Variants in UGT1A1 observed in about 807,000 individuals in gnomAD.
UGT1A1 encodes UDP glucuronosyltransferase family 1 member A1, also known as UDP-glucuronosyltransferase 1A1.
A neutral mutation model predicts 40.6 loss-of-function variants in UGT1A1; 33 were observed. The ratio of observed to expected loss-of-function variants is 0.81; its 90% CI spans 0.62 to 1.09. UGT1A1 has a LOEUF of 1.09. Among genes scored for constraint, UGT1A1 ranks in the 50% least tolerant of loss-of-function variants. UGT1A1 has a pLI of 0.00. For missense variants in UGT1A1, 694 were observed against 671.2 expected, an observed-to-expected ratio of 1.03 and a Z score of -0.38; for synonymous variants, 249 against 265.0, an observed-to-expected ratio of 0.94 and a Z score of 0.59.
In UGT1A1 at chr2:233,772,637, A is replaced by G; in HGVS notation, c.*78A>G. ...AACTTGAAAACAGAATCAGTGTTAA[A>G]TTCATTTTATTCTTATTAAGGAAAT... On this transcript the variant is annotated 3_prime_UTR_variant, in exon 5 of 5. Transcript: ENST00000305208. The G allele has an allele frequency of 1.5e-5, 23 of 1,552,946 alleles. No individual in the cohort carries two copies. Among genetic ancestry groups the G allele is most frequent in the Non-Finnish European group, 2.0e-5 (23 of 1,148,470 alleles).
chr2:233,767,172 A>G lies in UGT1A1; in HGVS notation c.996+7A>G, dbSNP rs375883067. On this transcript the variant is annotated splice_region_variant and intron_variant, in intron 2 of 4. Coordinates refer to ENST00000305208, the MANE Select transcript of UGT1A1 (RefSeq NM_000463.3). The stretch of plus-strand genomic sequence containing the variant: ...GGGCAAAATCCCTCAGACAGTAAGA[A>G]GATTCTATACCATGGCCTCATATCT... The G allele has an allele frequency of 1.2e-6, 2 of 1,614,098 alleles. No individual in the cohort carries two copies. The highest frequency in any genetic ancestry group is 3.3e-5 in the Admixed American group (2 of 60,024).
chr2:233,763,322 A>T (rs767434078), intron 1 of UGT1A1, among the ~76,000 whole-genome samples: 4 of 152,108 alleles, frequency 2.6e-5, no homozygotes, highest in Non-Finnish European at 5.9e-5. Context: ...CTTCTGTATT[A>T]TTTTTGTTTA....
rs994298046 is a variant in UGT1A1 at position 233,760,365 on chromosome 2, T to C, written c.78T>C (p.His26=). Residue 26 remains histidine, a synonymous_variant, in exon 1 of 5, where the codon CAT becomes CAC. Transcript: ENST00000305208. ...LLCVLGPVVS[H]AGKILLIPVD... Reference sequence around the variant, plus strand: ...GTGTGCTGGGCCCAGTGGTGTCCCATGCTGGGAAGATACTGTTGATCCCAG... The same window carrying C: ...GTGTGCTGGGCCCAGTGGTGTCCCACGCTGGGAAGATACTGTTGATCCCAG... 21 of 1,614,004 alleles carry C rather than the reference T, an allele frequency of 1.3e-5. No individual in the cohort carries two copies. Among genetic ancestry groups the C allele is most frequent in the Non-Finnish European group, 1.7e-5 (20 of 1,180,006 alleles).
At position 233,772,370 on chromosome 2, in the gene UGT1A1, G is replaced by A. The variant is rs587784537; in HGVS notation, c.1413G>A (p.Ala471=). The A allele has an allele frequency of 2.5e-6, 4 of 1,614,248 alleles. No homozygotes were observed. The highest frequency in any genetic ancestry group is 1.6e-4 in the Middle Eastern group (1 of 6,062). ...WVEFVMRHKG[A]PHLRPAAHDL... The stretch of plus-strand genomic sequence containing the variant: ...AGTTTGTGATGAGGCACAAGGGCGC[G>A]CCACACCTGCGCCCCGCAGCCCACG... Residue 471 remains alanine, a synonymous_variant, in exon 5 of 5, where the codon GCG becomes GCA. Transcript: ENST00000305208.
In UGT1A1 at chr2:233,767,880, C is replaced by T. The variant is rs144978321; in HGVS notation, c.1028C>T (p.Ser343Leu). Reference sequence around the variant, plus strand: ...TGGCGGTACACTGGAACCCGACCATCGAATCTTGCGAACAACACGATACTT... The same window carrying T: ...TGGCGGTACACTGGAACCCGACCATTGAATCTTGCGAACAACACGATACTT... ...VLWRYTGTRP[S>L]NLANNTILVK... Residue 343 changes from serine (S) to leucine (L), a missense_variant, in exon 3 of 5, where the codon TCG (serine) becomes TTG (leucine). Physicochemically the swap from Ser to Leu is moderately radical, Grantham distance 145 (BLOSUM62 -2). Transcript: ENST00000305208. 290 of 1,614,050 alleles carry T rather than the reference C, an allele frequency of 1.8e-4. No homozygotes were observed. Among genetic ancestry groups the T allele is most frequent in the Non-Finnish European group, 2.4e-4 (278 of 1,180,052 alleles).
chr2:233,766,548 C>T (rs547504981), intron 1 of UGT1A1, among the ~76,000 whole-genome samples: 152 of 152,318 alleles, frequency 1.0e-3, no homozygotes, highest in African/African-American at 3.6e-3. Flanking sequence ...AAATGCCTGT[C>T]CTCACCTAGG....
chr2:233,772,626 A>T lies in UGT1A1; in HGVS notation c.*67A>T. On this transcript the variant is annotated 3_prime_UTR_variant, in exon 5 of 5. Coordinates refer to ENST00000305208, the MANE Select transcript of UGT1A1 (RefSeq NM_000463.3). ...AGTCATTTCCAAACTTGAAAACAGA[A>T]TCAGTGTTAAATTCATTTTATTCTT... The T allele has an allele frequency of 3.8e-6, 6 of 1,561,972 alleles. No homozygotes were observed. Among genetic ancestry groups the T allele is most frequent in the Non-Finnish European group, 5.2e-6 (6 of 1,152,668 alleles).
rs1699600557 is a variant in UGT1A1 at position 233,768,315 on chromosome 2, T to C, written c.1180T>C (p.Phe394Leu). The change falls in exon 4 of 5, where the codon TTT becomes CTT. Residue 394 changes from phenylalanine (F) to leucine (L), a missense_variant. Physicochemically the swap from Phe to Leu is conservative, Grantham distance 22. Coordinates refer to ENST00000305208, the MANE Select transcript of UGT1A1 (RefSeq NM_000463.3). ...CGTTCCCATGGTGATGATGCCCTTG[T>C]TTGGTGATCAGATGGACAATGCAAA... ...NGVPMVMMPLFGDQMDNAKRM... is the reference protein window; with the variant it reads ...NGVPMVMMPLLGDQMDNAKRM... 3 of 1,614,138 alleles carry C rather than the reference T, an allele frequency of 1.9e-6. No individual in the cohort carries two copies. Among genetic ancestry groups the C allele is most frequent in the South Asian group, 2.2e-5 (2 of 91,078 alleles).
At chr2:233,766,965 T>C in intron 1 of UGT1A1, 69 bp from the exon 2 acceptor site, 1 of 1,608,636 alleles carries the variant, frequency 6.2e-7, no homozygotes, top group Non-Finnish European at 8.5e-7. Context: ...ATCTAATTCA[T>C]AACTTACTGT....
At chr2:233,765,091 C>T (rs1473276364) in intron 1 of UGT1A1, among the ~76,000 whole-genome samples, 1 of 152,110 alleles carries the variant, frequency 6.6e-6, no homozygotes, top group Non-Finnish European at 1.5e-5. Context: ...TCTAGGGTGA[C>T]CAGCATCCTG....
At chr2:233,761,658 A>C (rs1473319616) in intron 1 of UGT1A1, among the ~76,000 whole-genome samples, 1 of 152,256 alleles carries the variant, frequency 6.6e-6, no homozygotes, top group African/African-American at 2.4e-5. Context: ...TAATGAGTGA[A>C]TCACCAGACA....
intron 4 of UGT1A1, among the ~76,000 whole-genome samples, chr2:233,768,962 ATAATT>A (rs753324015): frequency 2.0e-5 from 3 of 152,200 alleles, no homozygotes; most frequent in Non-Finnish European, 4.4e-5. Flanking sequence ...AATTTATCAT[ATAATT>A]TATTTAGAAT....
rs370892808 is a variant in UGT1A1, at chr2:233,760,466, T to C, written c.179T>C (p.Leu60Pro). Reference protein sequence around the residue: ...LQQRGHEIVVLAPDASLYIRD... With the variant: ...LQQRGHEIVVPAPDASLYIRD... The stretch of plus-strand genomic sequence containing the variant: ...CAGAGGGGACATGAAATAGTTGTCC[T>C]AGCACCTGACGCCTCGTTGTACATC... Residue 60 changes from leucine (L) to proline (P), a missense_variant, in exon 1 of 5, where the codon CTA becomes CCA. Physicochemically the swap from Leu to Pro is moderately conservative, Grantham distance 98. Transcript: ENST00000305208. The C allele has an allele frequency of 1.9e-6, 3 of 1,614,232 alleles. No homozygotes were observed. The highest frequency in any genetic ancestry group is 1.7e-6 in the Non-Finnish European group (2 of 1,180,032).
At position 233,769,704 on chromosome 2, in the gene UGT1A1, T is replaced by A; in HGVS notation, c.1304+1265T>A. 6.6e-7 allele frequency: 1 copy of A among 1,519,548 alleles called. No homozygotes were observed. Among genetic ancestry groups the A allele is most frequent in the Non-Finnish European group, 8.8e-7 (1 of 1,132,514 alleles). 94.1% of individuals were successfully genotyped at this position (1,519,548 alleles called of 1,614,324 possible). On this transcript the variant is annotated intron_variant, in intron 4 of 4. Transcript: ENST00000305208. This position sits in a 1 kb window ranked among gnomAD's most constrained non-coding sequence, Gnocchi z 4.4. ...GTGGTGGCACTGGATAAAAGATCAA[T>A]GTTGGCTAGGCACCATGGCACACGC... is the stretch of plus-strand genomic sequence containing the variant.
At position 233,772,407 on chromosome 2, in the gene UGT1A1, T is replaced by C. The variant is rs770903084; in HGVS notation, c.1450T>C (p.Tyr484His). The C allele has an allele frequency of 7.5e-5, 121 of 1,614,104 alleles. No individual in the cohort carries two copies. Among genetic ancestry groups the C allele is most frequent in the Non-Finnish European group, 9.9e-5 (117 of 1,180,046 alleles). ...CCCCGCAGCCCACGACCTCACCTGG[T>C]ACCAGTACCATTCCTTGGACGTGAT... The part of the protein sequence containing the change: ...LRPAAHDLTW[Y>H]QYHSLDVIGF... Residue 484 changes from tyrosine to histidine, a missense_variant, in exon 5 of 5, where the codon TAC becomes CAC. Transcript: ENST00000305208.
At chr2:233,764,170 A>C (rs1698494492) in intron 1 of UGT1A1, among the ~76,000 whole-genome samples, 1 of 152,226 alleles carries the variant, frequency 6.6e-6, no homozygotes, top group Non-Finnish European at 1.5e-5. Flanking sequence ...TCATCAGAAC[A>C]GGGAAATTCT....
In UGT1A1 at chr2:233,772,635, A is replaced by G. The variant is rs1700539983; in HGVS notation, c.*76A>G. On this transcript the variant is annotated 3_prime_UTR_variant, in exon 5 of 5. Transcript: ENST00000305208. ...CAAACTTGAAAACAGAATCAGTGTT[A>G]AATTCATTTTATTCTTATTAAGGAA... 19 of 1,555,814 alleles carry G rather than the reference A, an allele frequency of 1.2e-5. No individual in the cohort carries two copies. Among genetic ancestry groups the G allele is most frequent in the Non-Finnish European group, 1.6e-5 (18 of 1,149,838 alleles).
rs28900404 is a variant in UGT1A1, at chr2:233,769,354, G to A, written c.1304+915G>A. ...TTATTAGAACCTTATGGGAAGAAGT[G>A]GTGGCCAGTGGTAGATTTCATCCGA... On this transcript the variant is annotated intron_variant, in intron 4 of 4. Transcript: ENST00000305208. This position sits in a 1 kb window ranked among gnomAD's most constrained non-coding sequence, Gnocchi z 4.4. Among the ~76,000 whole-genome samples the A allele has an allele frequency of 7.2e-4, 110 of 152,348 alleles. No individual in the cohort carries two copies. The highest frequency in any genetic ancestry group is 2.6e-3 in the African/African-American group (108 of 41,580).
At chr2:233,767,824 G>A (rs201092075) in intron 2 of UGT1A1, 25 bp from the exon 3 acceptor site, 82 of 1,614,024 alleles carry the variant, frequency 5.1e-5, no homozygotes, top group East Asian at 2.7e-4. Flanking sequence ...CTTTCTTTAC[G>A]TTCTGCTCTT....
Sources: allele counts gnomAD v4.1 joint callset (sites outside exome capture counted in the v4.1 genomes callset), GRCh38; gene constraint gnomAD v4.1.1; non-coding constraint Gnocchi (gnomAD v3.1); transcripts MANE v1.5; gene names NCBI Gene and HGNC (gene_info 2026-07-23, HGNC 2026-07-21).